ITGA2: variants seen among roughly 807,000 people sequenced by gnomAD.
ITGA2 encodes the protein integrin subunit alpha 2.
In ITGA2, 101 loss-of-function variants were observed where a neutral mutation model predicts 146.3. The ratio of observed to expected loss-of-function variants is 0.69; its 90% CI spans 0.59 to 0.81. ITGA2 has a LOEUF of 0.81. Among genes scored for constraint, ITGA2 ranks in the 40% least tolerant of loss-of-function variants. ITGA2 has a pLI of 0.00. For synonymous variants in ITGA2, 477 were observed against 487.1 expected (o/e 0.98, Z 0.27); for missense variants, 1,281 against 1,402.7 (o/e 0.91, Z 1.39).
chr5:53,039,800 A>G (rs1743694136), intron 2 of ITGA2, among the ~76,000 whole-genome samples: 1 of 151,230 alleles, frequency 6.6e-6, no homozygotes, highest in South Asian at 2.1e-4. Context: ...CTTAATCAGG[A>G]AACTCTTTTT....
Position 53,081,605 on chromosome 5 carries a change from G to A in ITGA2, c.3053G>A (p.Ser1018Asn), listed in dbSNP as rs1745920019. The change falls in exon 26 of 30, where the codon AGT becomes AAT. Residue 1018 changes from serine to asparagine, a missense_variant. This residue lies in a region of ITGA2 where 475 missense variants were observed against 530.5 expected (regional missense o/e 0.90). Transcript: ENST00000296585. ...CTTCTTTTATAGGCTGGTGACATCA[G>A]TTGTAATGCAGATATCAATCCACTG... ...GVQTDKAGDI[S>N]CNADINPLKI... is the part of the protein sequence containing the mutation. The A allele has an allele frequency of 3.7e-6, 6 of 1,611,846 alleles. No individual in the cohort carries two copies. The highest frequency in any genetic ancestry group is 1.1e-5 in the South Asian group (1 of 90,966).
rs202185534 is a variant in ITGA2, at chr5:53,074,441, C to T, written c.2628C>T (p.Cys876=). The change falls in exon 21 of 30, where the codon TGC becomes TGT. Residue 876 remains cysteine, a synonymous_variant. Coordinates refer to ENST00000296585, the MANE Select transcript of ITGA2 (RefSeq NM_002203.4). ...CTGCATCTCAGAAGTCTGTTGCCTG[C>T]GATGTAGGCTACCCTGCTTTAAAGA... ...QVAASQKSVA[C]DVGYPALKRE... The T allele has an allele frequency of 2.9e-5, 47 of 1,612,098 alleles. No individual in the cohort carries two copies. The highest frequency in any genetic ancestry group is 6.7e-5 in the Admixed American group (4 of 59,830).
chr5:53,045,291 C>T (rs1028439612), intron 4 of ITGA2, among the ~76,000 whole-genome samples, 199 bp downstream of exon 4: 5 of 152,062 alleles, frequency 3.3e-5, no homozygotes, highest in African/African-American at 1.2e-4. Context: ...TCAGCAAAAC[C>T]ACTGCTACTG....
chr5:53,055,507 G>A lies in ITGA2; in HGVS notation c.780-31G>A, dbSNP rs1438120876. The A allele has an allele frequency of 3.1e-6, 5 of 1,607,434 alleles. No homozygotes were observed. In the Admixed American group the frequency reaches 5.0e-5, roughly 16 times the overall value. ...CTCATATTAACTTCATATTTTGATA[G>A]CAAGTCTTTATTTAATTTTATCTGC... On this transcript the variant is annotated intron_variant, in intron 7 of 29. Transcript: ENST00000296585.
At chr5:53,068,161 G>GCCATAATTCA (rs1334175829) in intron 16 of ITGA2, among the ~76,000 whole-genome samples, 3 of 151,876 alleles carry the variant, frequency 2.0e-5, no homozygotes, top group Non-Finnish European at 2.9e-5. Flanking sequence ...CAGGTTATTT[G>GCCATAATTCA]CCATAATTCA....
At chr5:52,989,929 G>T (rs577452389) in intron 1 of ITGA2, among the ~76,000 whole-genome samples, 1 of 152,256 alleles carries the variant, frequency 6.6e-6, no homozygotes. Context: ...CCCTGGCTCA[G>T]ACAGGTGCCG....
intron 24 of ITGA2, among the ~76,000 whole-genome samples, chr5:53,080,023 AG>A (rs1339862009): frequency 6.6e-6 from 1 of 152,214 alleles, no homozygotes; most frequent in Non-Finnish European, 1.5e-5. Flanking sequence ...TTTACAAATA[AG>A]AAAAGCATAG....
intron 1 of ITGA2, among the ~76,000 whole-genome samples, chr5:53,007,857 CA>C (rs1302377527): frequency 1.3e-5 from 2 of 152,144 alleles, no homozygotes; most frequent in African/African-American, 2.4e-5. Context: ...ATGATCTAAA[CA>C]CATGCCACAG....
At chr5:53,023,430 C>T (rs766752631) in intron 1 of ITGA2, among the ~76,000 whole-genome samples, 1 of 152,220 alleles carries the variant, frequency 6.6e-6, no homozygotes, top group African/African-American at 2.4e-5. Context: ...CTTAGATTTA[C>T]CCTCTTCTCA....
chr5:53,026,666 T>C, intron 1 of ITGA2, 82 bp from the exon 2 acceptor site: 1 of 1,302,486 alleles, frequency 7.7e-7, no homozygotes, highest in Admixed American at 1.8e-5. Context: ...GCAAGTTTTC[T>C]TAAAAATGGC....
rs767973784 is a variant in ITGA2, at chr5:53,048,387, C to T, written c.412C>T (p.Gln138Ter). The change falls in exon 5 of 30, where the codon CAA becomes TAA. Residue 138 changes from glutamine (Q) to a stop codon, truncating the protein, a stop_gained. Transcript: ENST00000296585. LOFTEE classifies it high-confidence loss of function. ...GACATGTGGTCCTCTGTGGGCACAG[C>T]AATGTGGGAATCAGTATTACACAAC... is the stretch of plus-strand genomic sequence containing the variant. ...FLTCGPLWAQ[Q>*]CGNQYYTTGV... The T allele has an allele frequency of 6.2e-7, 1 of 1,614,050 alleles. No homozygotes were observed. The highest frequency in any genetic ancestry group is 8.5e-7 in the Non-Finnish European group (1 of 1,179,936).
intron 1 of ITGA2, among the ~76,000 whole-genome samples, chr5:53,017,358 G>T (rs939563594): frequency 6.6e-6 from 1 of 152,264 alleles, no homozygotes; most frequent in Non-Finnish European, 1.5e-5. Flanking sequence ...CAAAGGCTCA[G>T]CCCTGCACTC....
chr5:53,033,543 A>G (rs1197083738), intron 2 of ITGA2, among the ~76,000 whole-genome samples: 1 of 152,132 alleles, frequency 6.6e-6, no homozygotes, highest in Non-Finnish European at 1.5e-5. Context: ...GCCATTTAAC[A>G]TGCCAACTTC....
At chr5:53,013,826 G>T (rs1002977339) in intron 1 of ITGA2, among the ~76,000 whole-genome samples, 1 of 151,974 alleles carries the variant, frequency 6.6e-6, no homozygotes, top group Non-Finnish European at 1.5e-5. Context: ...CACTTCCCTG[G>T]TTATCTGTAC....
chr5:52,999,688 T>C (rs1325960135), intron 1 of ITGA2, among the ~76,000 whole-genome samples: 2 of 152,154 alleles, frequency 1.3e-5, no homozygotes, highest in Non-Finnish European at 2.9e-5. Flanking sequence ...GCCTGTTCTT[T>C]GTCCCACAGG....
chr5:53,012,745 A>G (rs1401899949), intron 1 of ITGA2, among the ~76,000 whole-genome samples: 2 of 152,142 alleles, frequency 1.3e-5, no homozygotes, highest in African/African-American at 2.4e-5. Context: ...CCTTTTCTCT[A>G]CAACCTCACC....
intron 7 of ITGA2, among the ~76,000 whole-genome samples, chr5:53,052,285 T>C (rs1365855790): frequency 6.6e-6 from 1 of 152,046 alleles, no homozygotes; most frequent in Non-Finnish European, 1.5e-5. Flanking sequence ...CCCCTCCCTG[T>C]GTCCTCATTG....
At chr5:53,000,994 C>T (rs1410895418) in intron 1 of ITGA2, among the ~76,000 whole-genome samples, 3 of 150,150 alleles carry the variant, frequency 2.0e-5, no homozygotes, top group Non-Finnish European at 4.4e-5. Flanking sequence ...TTCCAACTCC[C>T]GGGTTCAAGC....
chr5:52,994,216 A>G (rs1741110534), intron 1 of ITGA2, among the ~76,000 whole-genome samples: 1 of 152,246 alleles, frequency 6.6e-6, no homozygotes, highest in East Asian at 1.9e-4. Flanking sequence ...GAGAAAACTT[A>G]AAACATGGCT....
Sources: allele counts gnomAD v4.1 joint callset (sites outside exome capture counted in the v4.1 genomes callset), GRCh38; gene constraint gnomAD v4.1.1; regional missense constraint gnomAD v4.1.1; transcripts MANE v1.5; gene names NCBI Gene and HGNC (gene_info 2026-07-23, HGNC 2026-07-21).